The following USP44 variants were observed in gnomAD, a reference collection of about 807,000 sequenced individuals.
The protein encoded by USP44 is ubiquitin specific peptidase 44.
A neutral mutation model predicts 69.0 loss-of-function variants in USP44; 61 were observed. That is an observed-to-expected ratio of 0.88 (90% CI 0.72 to 1.09). USP44 has a LOEUF of 1.09. USP44 is among the 50% of genes least tolerant of loss of function. The pLI is 0.00. For missense variants in USP44, 753 were observed against 849.9 expected (o/e 0.89, Z 1.42); for synonymous variants, 297 against 295.4 (o/e 1.01, Z -0.06).
Position 95,524,816 on chromosome 12 carries a change from C to A in USP44, c.1625-28G>T. 1.9e-6 allele frequency: 3 copies of A among 1,561,870 alleles called. No individual in the cohort carries two copies. The South Asian group carries it at 3.6e-5, about 19-fold the overall frequency. On this transcript the variant is annotated intron_variant, in intron 3 of 5. Coordinates refer to ENST00000258499, the MANE Select transcript of USP44 (RefSeq NM_032147.5). ...GTAACATCAAAGAAAGAATAAAAAT[C>A]AAATTTCATTTAAAGATTCAGGGAA... is the stretch of plus-strand genomic sequence containing the variant.
At chr12:95,544,101 T>C (rs111612266) in intron 1 of USP44, among the ~76,000 whole-genome samples, 39,925 of 121,268 alleles carry the variant, frequency 0.33, 7,422 homozygotes, top group African/African-American at 0.46. Context: ...GTCGCCCAGG[T>C]TGGAGTGCAG....
rs569353017 is a variant in USP44 at position 95,542,771 on chromosome 12, A to G, written c.-70-8445T>C. The stretch of plus-strand genomic sequence containing the variant: ...ATCTCAAAAAAAAAACCAAAACACA[A>G]AAAAAAACAACCAGAGGTTGAAAAT... On this transcript the variant is annotated intron_variant, in intron 1 of 5. Transcript: ENST00000258499. Among the ~76,000 whole-genome samples the G allele has an allele frequency of 1.8e-4, 27 of 149,738 alleles. No homozygotes were observed. In the South Asian group the frequency reaches 5.7e-3, roughly 32 times the overall value.
intron 1 of USP44, among the ~76,000 whole-genome samples, chr12:95,549,834 G>A (rs559909752): frequency 1.3e-5 from 2 of 152,178 alleles, no homozygotes; most frequent in East Asian, 3.9e-4. Flanking sequence ...CACCGTAAAA[G>A]GCAAGAAGGA....
chr12:95,536,990 A>C (rs2077227042), intron 1 of USP44, among the ~76,000 whole-genome samples: 1 of 152,210 alleles, frequency 6.6e-6, no homozygotes, highest in Admixed American at 6.5e-5. Flanking sequence ...AGAGCCACTG[A>C]AGAAATCTGT....
intron 3 of USP44, among the ~76,000 whole-genome samples, chr12:95,528,139 G>A (rs567955958): frequency 3.3e-5 from 5 of 152,262 alleles, no homozygotes; most frequent in South Asian, 4.2e-4. Context: ...GCACCTGGCC[G>A]AAGACGCTTC....
At chr12:95,528,547 C>T (rs2076923181) in intron 3 of USP44, among the ~76,000 whole-genome samples, 1 of 152,172 alleles carries the variant, frequency 6.6e-6, no homozygotes, top group African/African-American at 2.4e-5. Context: ...TTTTGCTCCA[C>T]ATATCATATT....
At position 95,524,804 on chromosome 12, in the gene USP44, A is replaced by G. The variant is rs1484634317; in HGVS notation, c.1625-16T>C. The G allele has an allele frequency of 6.4e-7, 1 of 1,573,210 alleles. No individual in the cohort carries two copies. The highest frequency in any genetic ancestry group is 1.4e-5 in the African/African-American group (1 of 72,528). ...CTACGCTTTGCTGTAACATCAAAGA[A>G]AGAATAAAAATCAAATTTCATTTAA... On this transcript the variant is annotated splice_polypyrimidine_tract_variant and intron_variant, in intron 3 of 5. Transcript: ENST00000258499.
At chr12:95,530,598 T>C (rs1415937297) in intron 2 of USP44, among the ~76,000 whole-genome samples, 1 of 151,994 alleles carries the variant, frequency 6.6e-6, no homozygotes, top group Non-Finnish European at 1.5e-5. Flanking sequence ...TGAAAATACA[T>C]TTATAAAGGA....
chr12:95,527,244 G>A (rs2076869809), intron 3 of USP44, among the ~76,000 whole-genome samples: 2 of 151,118 alleles, frequency 1.3e-5, no homozygotes, highest in African/African-American at 2.4e-5. Flanking sequence ...ACAGGCGCAC[G>A]CCACCATGCC....
At chr12:95,522,322 G>A (rs1305514326) in intron 4 of USP44, among the ~76,000 whole-genome samples, 1 of 152,108 alleles carries the variant, frequency 6.6e-6, no homozygotes, top group Non-Finnish European at 1.5e-5. Context: ...GCTTAGTCCA[G>A]TGTAAAATGG....
At position 95,518,179 on chromosome 12, in the gene USP44, G is replaced by A. The variant is rs2076534118; in HGVS notation, c.2114C>T (p.Thr705Ile). ...GSQHPNEDADTSSNEILS is the reference protein window; with the variant it reads ...GSQHPNEDADISSNEILS ...TCAGCTAAGGATTTCATTAGACGAG[G>A]TATCAGCGTCTTCATTGGGATGTTG... Residue 705 changes from threonine (T) to isoleucine (I), a missense_variant, in exon 6 of 6, where the codon ACC (threonine) becomes ATC (isoleucine). Transcript: ENST00000258499. 2 of 1,614,152 alleles carry A rather than the reference G, an allele frequency of 1.2e-6. No individual in the cohort carries two copies. Among genetic ancestry groups the A allele is most frequent in the East Asian group, 2.2e-5 (1 of 44,874 alleles).
intron 4 of USP44, among the ~76,000 whole-genome samples, chr12:95,522,533 C>A (rs574064767): frequency 1.8e-4 from 28 of 151,974 alleles, no homozygotes; most frequent in Middle Eastern, 6.8e-3. Context: ...ATCCCAGCAC[C>A]TTGGGAGGCC....
At chr12:95,540,714 C>T (rs1185347420) in intron 1 of USP44, among the ~76,000 whole-genome samples, 2 of 152,026 alleles carry the variant, frequency 1.3e-5, no homozygotes, top group Non-Finnish European at 2.9e-5. Flanking sequence ...TTTTCATTTC[C>T]ACAGCTATCA....
At chr12:95,520,258 C>T (rs899590241) in intron 5 of USP44, among the ~76,000 whole-genome samples, 1 of 151,418 alleles carries the variant, frequency 6.6e-6, no homozygotes, top group Non-Finnish European at 1.5e-5. Flanking sequence ...TTTGGGAGGC[C>T]GAGGCAGGCG....
At chr12:95,527,962 C>G (rs2076903501) in intron 3 of USP44, among the ~76,000 whole-genome samples, 1 of 151,908 alleles carries the variant, frequency 6.6e-6, no homozygotes, top group African/African-American at 2.4e-5. Flanking sequence ...CCTCAGCCTC[C>G]CGAGTAGCTG....
intron 1 of USP44, among the ~76,000 whole-genome samples, chr12:95,544,390 C>G (rs1179659170): frequency 1.3e-5 from 2 of 152,056 alleles, no homozygotes; most frequent in Non-Finnish European, 2.9e-5. Flanking sequence ...AACTTTTCAG[C>G]CAGCCACTCT....
At chr12:95,544,833 A>C (rs191506377) in intron 1 of USP44, among the ~76,000 whole-genome samples, 1 of 152,208 alleles carries the variant, frequency 6.6e-6, no homozygotes, top group African/African-American at 2.4e-5. Context: ...ATATTTAGTC[A>C]AATAATCATC....
chr12:95,533,996 C>G lies in USP44; in HGVS notation c.261G>C (p.Leu87=). The change falls in exon 2 of 6, where the codon CTG becomes CTC. Residue 87 remains leucine (L), a synonymous_variant. Coordinates refer to ENST00000258499, the MANE Select transcript of USP44 (RefSeq NM_032147.5). ...VFCYLCDDYV[L]NDNTTGDLKL... is the part of the protein sequence containing the mutation. ...TCAGGTCTCCAGTTGTGTTATCATT[C>G]AGAACATAATCATCACAAAGGTAAC... 1.2e-6 allele frequency: 2 copies of G among 1,614,130 alleles called. No homozygotes were observed. Among genetic ancestry groups the G allele is most frequent in the Non-Finnish European group, 1.7e-6 (2 of 1,180,018 alleles).
Position 95,518,299 on chromosome 12 carries a change from A to G in USP44, c.1994T>C (p.Val665Ala). 3 of 1,614,202 alleles carry G rather than the reference A, an allele frequency of 1.9e-6. No individual in the cohort carries two copies. The highest frequency in any genetic ancestry group is 2.5e-6 in the Non-Finnish European group (3 of 1,180,034). Residue 665 changes from valine (V) to alanine (A), a missense_variant, in exon 6 of 6, where the codon GTA becomes GCA. Val to Ala is a moderately conservative substitution (Grantham distance 64, BLOSUM62 0). Coordinates refer to ENST00000258499, the MANE Select transcript of USP44 (RefSeq NM_032147.5). ...CAAGATATAAGCTTGAGCCTTGCAT[A>G]CTTCATCCATAGTGCACATGCTTAG... Reference protein sequence around the residue: ...SKLSMCTMDEVCKAQAYILFY... With the variant: ...SKLSMCTMDEACKAQAYILFY...
Sources: allele counts gnomAD v4.1 joint callset (sites outside exome capture counted in the v4.1 genomes callset), GRCh38; gene constraint gnomAD v4.1.1; transcripts MANE v1.5; gene names NCBI Gene and HGNC (gene_info 2026-07-23, HGNC 2026-07-21).